Variants in F5 observed in about 807,000 individuals in gnomAD.
The protein encoded by F5 is activated protein c cofactor.
Under a neutral mutation model 216.4 loss-of-function variants are expected in F5, and 138 were observed. The ratio of observed to expected loss-of-function variants is 0.64; its 90% CI spans 0.56 to 0.73. The LOEUF is 0.73. F5 is among the 30% of genes least tolerant of loss of function. F5 has a pLI of 0.00. For missense variants in F5, 2,403 were observed against 2,674.0 expected (o/e 0.90, Z 2.24); for synonymous variants, 916 against 930.7 (o/e 0.98, Z 0.29).
At chr1:169,559,114 A>C in intron 5 of F5, 39 bp downstream of exon 5, 2 of 1,612,340 alleles carry the variant, frequency 1.2e-6, no homozygotes, top group Non-Finnish European at 1.7e-6. Context: ...ATTACTAATG[A>C]TTTTACTGTT....
chr1:169,547,752 T>C (rs1660048985), intron 10 of F5, among the ~76,000 whole-genome samples: 1 of 152,132 alleles, frequency 6.6e-6, no homozygotes, highest in Admixed American at 6.5e-5. Context: ...GGAGTGTAAA[T>C]TAGTTCAACC....
In F5 at chr1:169,521,615, A is replaced by ATTTTTT. The variant is rs35651599; in HGVS notation, c.6049-957_6049-952dup. On this transcript the variant is annotated intron_variant, in intron 21 of 24. Transcript: ENST00000367797. ...AAAACAAGGCTGGTTCTGTGAAAAGATTTTTTTTTTTTTTTTTTTTTTTTG... is the reference window on the plus strand; with the variant it reads ...AAAACAAGGCTGGTTCTGTGAAAAGATTTTTTTTTTTTTTTTTTTTTTTTTTTTTTG... 6.8e-3 allele frequency among the ~76,000 whole-genome samples: 717 copies of ATTTTTT among 106,086 alleles called. 10 individuals are homozygous for ATTTTTT. The highest frequency in any genetic ancestry group is 0.01 in the East Asian group (25 of 2,496). The allele number at this position is 106,086 out of a possible 152,430, so 69.6% of individuals were successfully genotyped here.
chr1:169,523,112 A>T (rs1187409284), intron 21 of F5, 85 bp downstream of exon 21: 4 of 1,481,018 alleles, frequency 2.7e-6, no homozygotes, highest in South Asian at 1.1e-5. Context: ...GGTATTTTTT[A>T]AAATACATAA....
intron 14 of F5, among the ~76,000 whole-genome samples, chr1:169,534,136 C>T (rs1571568364): frequency 6.6e-6 from 1 of 152,264 alleles, no homozygotes; most frequent in Middle Eastern, 3.4e-3. Flanking sequence ...GTACCCCCTC[C>T]TTGCTCAATC....
chr1:169,527,788 C>G (rs1250133885), intron 17 of F5, 127 bp downstream of exon 17: 6 of 1,252,208 alleles, frequency 4.8e-6, no homozygotes, highest in East Asian at 5.0e-5. Flanking sequence ...TGCCTAGGCT[C>G]TATGCCAGAA....
In F5 at chr1:169,581,253, G is replaced by T. The variant is rs189789806; in HGVS notation, c.250+1178C>A. 4.6e-5 allele frequency among the ~76,000 whole-genome samples: 7 copies of T among 152,298 alleles called. 1 individual carries two copies. The East Asian group carries it at 1.4e-3, about 29-fold the overall frequency. ...GTCCTAGTAATGTCTAGTAGTAAAA[G>T]AACATAGGCTCTGGCACCTCAAGTC... is the stretch of plus-strand genomic sequence containing the variant. On this transcript the variant is annotated intron_variant, in intron 2 of 24. Coordinates refer to ENST00000367797, the MANE Select transcript of F5 (RefSeq NM_000130.5).
chr1:169,576,691 C>T (rs1024845804), intron 2 of F5, among the ~76,000 whole-genome samples: 4 of 152,172 alleles, frequency 2.6e-5, no homozygotes, highest in African/African-American at 9.7e-5. Flanking sequence ...CCAGCTGCTA[C>T]CCTCTGTCTT....
At chr1:169,523,389 T>C (rs201629206) in intron 20 of F5, 37 bp from the exon 21 acceptor site, 781 of 1,612,260 alleles carry the variant, frequency 4.8e-4, no homozygotes, top group Non-Finnish European at 5.7e-4. Flanking sequence ...GAACTGTCCT[T>C]GTCAACAAGT....
chr1:169,566,149 C>T (rs1660595875), intron 3 of F5, among the ~76,000 whole-genome samples: 1 of 152,060 alleles, frequency 6.6e-6, no homozygotes, highest in African/African-American at 2.4e-5. Context: ...AGTTGATGAG[C>T]TGCACCATCT....
Position 169,582,317 on chromosome 1 carries a change from A to C in F5, c.250+114T>G. On this transcript the variant is annotated intron_variant, in intron 2 of 24. Transcript: ENST00000367797. ...TTATGTAGCCAGTACTTCTTAAAAA[A>C]AAAACCACACGTTTCTATAAATTTT... 5 of 604,004 alleles carry C rather than the reference A, an allele frequency of 8.3e-6. 1 individual carries two copies. The South Asian group carries it at 1.1e-4, about 13-fold the overall frequency. The allele number at this position is 604,004 out of a possible 1,614,324, so 37.4% of individuals were successfully genotyped here. A position where few individuals can be genotyped will look rare whatever the true frequency, so the allele number is the denominator to read the frequency against.
intron 19 of F5, 95 bp from the exon 20 acceptor site, chr1:169,523,999 G>C (rs1017733019): frequency 9.7e-7 from 1 of 1,034,988 alleles, no homozygotes; most frequent in Non-Finnish European, 1.5e-6. Context: ...CAGATCCTTG[G>C]AGGACCTGTG....
intron 13 of F5, 62 bp downstream of exon 13, chr1:169,540,232 G>C (rs1215269966): frequency 9.6e-6 from 15 of 1,562,958 alleles, no homozygotes; most frequent in Non-Finnish European, 1.3e-5. Context: ...CTGAATTGTA[G>C]TAGCTACTTT....
At chr1:169,550,831 G>A (rs1159157574) in intron 8 of F5, 92 bp from the exon 9 acceptor site, 4 of 946,258 alleles carry the variant, frequency 4.2e-6, no homozygotes, top group East Asian at 2.6e-5. Flanking sequence ...CTTTTGGATG[G>A]TGTGTGTGTA....
chr1:169,549,007 A>T (rs890028511), intron 10 of F5, among the ~76,000 whole-genome samples: 4 of 152,204 alleles, frequency 2.6e-5, no homozygotes, highest in African/African-American at 9.6e-5. Context: ...AGTGCAAAGG[A>T]TGAAAGAGAA....
At chr1:169,564,550 ACTT>A (rs752688153) in intron 3 of F5, among the ~76,000 whole-genome samples, 4 of 151,760 alleles carry the variant, frequency 2.6e-5, no homozygotes, top group Non-Finnish European at 5.9e-5. Context: ...ATGTCTGAAA[ACTT>A]CTGTTTTATA....
chr1:169,532,639 C>T (rs983062445), intron 14 of F5, among the ~76,000 whole-genome samples: 3 of 151,934 alleles, frequency 2.0e-5, no homozygotes, highest in Admixed American at 1.3e-4. Flanking sequence ...GCCACACACA[C>T]ATACAAAATA....
In F5 at chr1:169,517,458, C is replaced by T. The variant is rs563038306; in HGVS notation, c.6345+954G>A. ...CTAGTGGCCTAATTTAAGGATAGGCCCTGGAATTCTATAGAAAGCCAGGAA... is the reference window on the plus strand; with the variant it reads ...CTAGTGGCCTAATTTAAGGATAGGCTCTGGAATTCTATAGAAAGCCAGGAA... On this transcript the variant is annotated intron_variant, in intron 23 of 24. Transcript: ENST00000367797. Among the ~76,000 whole-genome samples the T allele has an allele frequency of 2.0e-5, 3 of 152,072 alleles. No individual in the cohort carries two copies. The East Asian group carries it at 5.8e-4, about 29-fold the overall frequency.
chr1:169,584,620 G>C (rs1387838702), intron 1 of F5, among the ~76,000 whole-genome samples: 1 of 152,208 alleles, frequency 6.6e-6, no homozygotes. Context: ...CCAAAAGATG[G>C]AGTTGGCTAT....
chr1:169,520,474 G>T, intron 22 of F5, 46 bp downstream of exon 22: 5 of 1,611,806 alleles, frequency 3.1e-6, no homozygotes, highest in South Asian at 1.1e-5. Flanking sequence ...CCCAAATCTT[G>T]ATTCTTTGAG....
Sources: gnomAD v4.1 joint callset for allele counts (sites outside exome capture counted in the v4.1 genomes callset) on GRCh38, gnomAD v4.1.1 for gene constraint, MANE v1.5 for transcripts, NCBI Gene and HGNC (gene_info 2026-07-23, HGNC 2026-07-21) for gene names.